The following EFR3B variants were observed in gnomAD, a reference collection of about 807,000 sequenced individuals.
EFR3B encodes protein EFR3 homolog B.
A neutral mutation model predicts 104.7 loss-of-function variants in EFR3B; 64 were observed. The ratio of observed to expected loss-of-function variants is 0.61; its 90% CI spans 0.50 to 0.75. The LOEUF is 0.75. Ranked by LOEUF, EFR3B falls within the 30% of genes least tolerant of loss-of-function variation. The probability of loss-of-function intolerance (pLI) is 0.00; values close to 1 mark genes in which losing one functional copy is unlikely to be tolerated. For missense variants in EFR3B, 750 were observed against 1,078.5 expected (o/e 0.70, Z 4.27); for synonymous variants, 385 against 417.9 (o/e 0.92, Z 0.96).
chr2:25,135,553 G>A lies in EFR3B; in HGVS notation c.1398G>A (p.Glu466=), dbSNP rs1483831924. 1.3e-6 allele frequency: 2 copies of A among 1,551,990 alleles called. No individual in the cohort carries two copies. Among genetic ancestry groups the A allele is most frequent in the South Asian group, 1.2e-5 (1 of 84,068 alleles). The change falls in exon 13 of 23, where the codon GAG becomes GAA. Residue 466 remains glutamate, a synonymous_variant. Transcript: ENST00000403714. ...LDRLLSTALM[E]DAEIRLFVLE... ...GCCTTCTCTCCACCGCCCTCATGGA[G>A]GATGCAGAAATTCGACTCTTTGTTC... is the stretch of plus-strand genomic sequence containing the variant.
At chr2:25,096,621 C>A (rs1233594792) in intron 3 of EFR3B, among the ~76,000 whole-genome samples, 1 of 152,204 alleles carries the variant, frequency 6.6e-6, no homozygotes, top group East Asian at 1.9e-4. Context: ...GCCGTAGACC[C>A]ACTCCACATG....
At chr2:25,091,502 A>C in intron 2 of EFR3B, 101 bp downstream of exon 2, 1 of 1,013,474 alleles carries the variant, frequency 9.9e-7, no homozygotes, top group Non-Finnish European at 1.4e-6. Context: ...TGGGGAAGGC[A>C]GGGCCTCTCA....
chr2:25,127,191 CAAAA>C (rs57818903), intron 5 of EFR3B, among the ~76,000 whole-genome samples: 105 of 51,736 alleles, frequency 2.0e-3, no homozygotes, highest in African/African-American at 7.4e-3. Context: ...GACTCCACCT[CAAAA>C]AAAAAAAAAA....
intron 3 of EFR3B, among the ~76,000 whole-genome samples, chr2:25,097,111 T>C (rs1376439504): frequency 6.6e-6 from 1 of 152,192 alleles, no homozygotes; most frequent in Non-Finnish European, 1.5e-5. Context: ...TCTGCAGTGA[T>C]GGTTCTCTCA....
chr2:25,081,366 G>A, intron 1 of EFR3B: 2 of 972,102 alleles, frequency 2.1e-6, no homozygotes, highest in Non-Finnish European at 3.2e-6. Context: ...GAACTTGCCA[G>A]CAGTACTCAT....
In EFR3B at chr2:25,153,844, C is replaced by T. The variant is rs895158609; in HGVS notation, c.2348+83C>T. On this transcript the variant is annotated intron_variant, in intron 22 of 22. Transcript: ENST00000403714. The stretch of plus-strand genomic sequence containing the variant: ...TCATCCTGAGTCCTCTCACCCCTGT[C>T]TTCTCTTCTCTCCTCCCCACCTCCT... The T allele has an allele frequency of 2.2e-5, 29 of 1,347,698 alleles. 1 individual carries two copies. The highest frequency in any genetic ancestry group is 7.3e-5 in the African/African-American group (5 of 68,894). 83.5% of individuals were successfully genotyped at this position (1,347,698 alleles called of 1,614,324 possible). A position where few individuals can be genotyped will look rare whatever the true frequency, so the allele number is the denominator to read the frequency against.
intron 12 of EFR3B, among the ~76,000 whole-genome samples, chr2:25,133,845 C>G (rs571584472): frequency 2.0e-5 from 3 of 152,346 alleles, no homozygotes; most frequent in African/African-American, 7.2e-5. Context: ...TCCCAGCCCC[C>G]ATCCTTCCCA....
intron 5 of EFR3B, among the ~76,000 whole-genome samples, chr2:25,122,607 T>C (rs1670046133): frequency 6.6e-6 from 1 of 152,094 alleles, no homozygotes; most frequent in Admixed American, 6.6e-5. Context: ...TTGCACAGTC[T>C]GTGCTTGTGC....
intron 1 of EFR3B, among the ~76,000 whole-genome samples, chr2:25,087,376 T>C (rs199754019): frequency 5.5e-4 from 78 of 141,370 alleles, no homozygotes; most frequent in South Asian, 1.6e-3. Context: ...TATATATATA[T>C]ATACACACAC....
intron 16 of EFR3B, among the ~76,000 whole-genome samples, chr2:25,140,974 G>A (rs187148335): frequency 1.3e-5 from 2 of 150,514 alleles, no homozygotes; most frequent in East Asian, 2.0e-4. Flanking sequence ...CTGGGAGGTG[G>A]AGGCTGCTGT....
At chr2:25,076,814 GGTGA>G (rs1168101048) in intron 1 of EFR3B, among the ~76,000 whole-genome samples, 1 of 152,136 alleles carries the variant, frequency 6.6e-6, no homozygotes, top group Non-Finnish European at 1.5e-5. Flanking sequence ...GCCGGAAACG[GGTGA>G]GTGTCTCGGA....
rs944658805 is a variant in EFR3B, at chr2:25,157,775, C to T, written c.*3435C>T. On this transcript the variant is annotated 3_prime_UTR_variant, in exon 23 of 23. Coordinates refer to ENST00000403714, the MANE Select transcript of EFR3B (RefSeq NM_014971.2). ...TTTCCTTGCCATGGAGTCCCCAGCG[C>T]CTTGTGCCTGTTTCCATTTCCCTCT... 25 of 152,338 alleles carry T rather than the reference C, an allele frequency of 1.6e-4. No homozygotes were observed. Among genetic ancestry groups the T allele is most frequent in the African/African-American group, 4.6e-4 (19 of 41,552 alleles). The allele number at this position is 152,338 out of a possible 1,614,324, so 9.4% of individuals were successfully genotyped here.
intron 1 of EFR3B, among the ~76,000 whole-genome samples, chr2:25,076,960 T>A (rs553854231): frequency 1.2e-4 from 19 of 152,332 alleles, no homozygotes; most frequent in African/African-American, 3.4e-4. Flanking sequence ...TAAGATCTGT[T>A]TGGAAACTCA....
rs181529285 is a variant in EFR3B, at chr2:25,079,713, A to C, written c.8-11612A>C. Among the ~76,000 whole-genome samples, 9 of 152,358 alleles carry C rather than the reference A, an allele frequency of 5.9e-5. No individual in the cohort carries two copies. In the East Asian group the frequency reaches 1.5e-3, roughly 26 times the overall value. ...GCAACAAAAGAAATTAGTTACCTGCATTATAGGTTCTTTATACAAACAGTG... is the reference window on the plus strand; with the variant it reads ...GCAACAAAAGAAATTAGTTACCTGCCTTATAGGTTCTTTATACAAACAGTG... On this transcript the variant is annotated intron_variant, in intron 1 of 22. Coordinates refer to ENST00000403714, the MANE Select transcript of EFR3B (RefSeq NM_014971.2).
At chr2:25,100,149 A>G (rs1669390784) in intron 3 of EFR3B, among the ~76,000 whole-genome samples, 1 of 152,148 alleles carries the variant, frequency 6.6e-6, no homozygotes, top group South Asian at 2.1e-4. Flanking sequence ...GGTTGTAGTG[A>G]GCCGAGATTG....
intron 1 of EFR3B, among the ~76,000 whole-genome samples, chr2:25,046,015 ATCC>A (rs1288053373): frequency 2.0e-5 from 3 of 152,186 alleles, no homozygotes; most frequent in Non-Finnish European, 4.4e-5. Context: ...GTGCTGCCTC[ATCC>A]TCAGCAAATG....
intron 15 of EFR3B, among the ~76,000 whole-genome samples, chr2:25,138,776 C>T (rs1268493427): frequency 3.9e-5 from 6 of 152,166 alleles, no homozygotes; most frequent in African/African-American, 1.2e-4. Flanking sequence ...CAGTGAAGGT[C>T]GCCACAGCTG....
intron 4 of EFR3B, among the ~76,000 whole-genome samples, chr2:25,109,152 T>A (rs779230385): frequency 1.1e-4 from 17 of 149,470 alleles, no homozygotes; most frequent in Non-Finnish European, 2.4e-4. Context: ...AATATACAAA[T>A]AATTCTTAAG....
At chr2:25,067,228 C>T (rs1668360556) in intron 1 of EFR3B, among the ~76,000 whole-genome samples, 1 of 151,954 alleles carries the variant, frequency 6.6e-6, no homozygotes. Flanking sequence ...CTCACCCTCT[C>T]CATCCCTAGG....
Sources: allele counts gnomAD v4.1 joint callset (sites outside exome capture counted in the v4.1 genomes callset), GRCh38; gene constraint gnomAD v4.1.1; transcripts MANE v1.5; gene names NCBI Gene and HGNC (gene_info 2026-07-23, HGNC 2026-07-21).